GOLGA8S: variants seen among roughly 807,000 people sequenced by gnomAD.
GOLGA8S encodes golgin A8 family member S, also known as golgin subfamily A member 8S.
GOLGA8S carries 23 observed loss-of-function variants against 58.9 expected under a neutral mutation model. That is an observed-to-expected ratio of 0.39 (90% confidence interval 0.28 to 0.55). GOLGA8S has a LOEUF of 0.55. GOLGA8S is among the 20% of genes least tolerant of loss of function. The pLI, the probability that GOLGA8S is intolerant of heterozygous loss-of-function variation, is 0.63. For missense variants in GOLGA8S, 266 were observed against 514.2 expected, an observed-to-expected ratio of 0.52 and a Z score of 4.67; for synonymous variants, 84 against 195.7, an observed-to-expected ratio of 0.43 and a Z score of 4.76.
chr15:23,359,562 CGT>C (rs560966226), intron 8 of GOLGA8S, among the ~76,000 whole-genome samples: 5 of 138,290 alleles, frequency 3.6e-5, no homozygotes, highest in Non-Finnish European at 6.3e-5. Flanking sequence ...AGAGAGGAAA[CGT>C]GTGTGTGTGT....
downstream of GOLGA8S, among the ~76,000 whole-genome samples, chr15:23,368,245 G>A (rs1384591810): frequency 6.6e-6 from 1 of 151,896 alleles, no homozygotes; most frequent in East Asian, 1.9e-4. Flanking sequence ...AATACTGAAA[G>A]ATTTTTCCCT....
In GOLGA8S at chr15:23,362,695, A is replaced by C. The variant is rs641872; in HGVS notation, c.1180-470A>C. 7.0e-5 allele frequency among the ~76,000 whole-genome samples: 10 copies of C among 142,370 alleles called. 1 individual carries two copies. Among genetic ancestry groups the C allele is most frequent in the African/African-American group, 5.3e-5 (2 of 37,398 alleles). 93.4% of individuals were successfully genotyped at this position (142,370 alleles called of 152,430 possible). On this transcript the variant is annotated intron_variant, in intron 13 of 18. Coordinates refer to ENST00000562295, the Ensembl canonical transcript of GOLGA8S. ...AGGAGGCATGGGGTTCTAGGAAAGC[A>C]AGGCAGTCACTTAGGCCTGAAGTAA...
chr15:23,365,504 C>T (rs772467185), downstream of GOLGA8S: 3 of 357,962 alleles, frequency 8.4e-6, no homozygotes, highest in Non-Finnish European at 1.6e-5. Context: ...AATGTTATTG[C>T]AGCATGTATA....
intron 15 of GOLGA8S, among the ~76,000 whole-genome samples, 158 bp from the exon 16 acceptor site, chr15:23,364,185 T>C (rs578147733): frequency 3.3e-4 from 48 of 144,276 alleles, no homozygotes; most frequent in African/African-American, 1.2e-3. Context: ...CCCCAGGGCC[T>C]GGGGGCGAGT....
At chr15:23,364,194 G>A (rs1482318481) in intron 15 of GOLGA8S, 149 bp from the exon 16 acceptor site, 2 of 1,460,964 alleles carry the variant, frequency 1.4e-6, no homozygotes, top group African/African-American at 1.4e-5. Context: ...CTGGGGGCGA[G>A]TCTGTGAGTG....
rs569675478 is a variant in GOLGA8S, at chr15:23,359,947, A to G, written c.592-285A>G. Among the ~76,000 whole-genome samples, 4 of 149,446 alleles carry G rather than the reference A, an allele frequency of 2.7e-5. No individual in the cohort carries two copies. The East Asian group carries it at 7.7e-4, about 29-fold the overall frequency. On this transcript the variant is annotated intron_variant, in intron 8 of 18. Transcript: ENST00000562295. Reference sequence around the variant, plus strand: ...GATTAAATGGGATTGCTAGCATGGTATCTGGTGAAGCACTCCATAAAAGTT... The same window carrying G: ...GATTAAATGGGATTGCTAGCATGGTGTCTGGTGAAGCACTCCATAAAAGTT...
intron 1 of GOLGA8S, among the ~76,000 whole-genome samples, chr15:23,356,162 C>T (rs1320835031): frequency 6.9e-6 from 1 of 143,914 alleles, no homozygotes; most frequent in African/African-American, 2.5e-5. Flanking sequence ...AGAAAGGCTG[C>T]CTTCTGCCAT....
intron 8 of GOLGA8S, 146 bp downstream of exon 8, chr15:23,359,355 G>T: frequency 1.5e-6 from 1 of 662,174 alleles, no homozygotes; most frequent in East Asian, 2.7e-5. Flanking sequence ...GTTGTTAGCG[G>T]CAGCTTGGGA....
downstream of GOLGA8S, chr15:23,365,912 A>G (rs1401540105): frequency 1.3e-5 from 2 of 152,050 alleles, no homozygotes; most frequent in Non-Finnish European, 2.9e-5. Flanking sequence ...CTGCATCATG[A>G]GCTGCAGCAG....
At chr15:23,366,289 A>C (rs1025197936), downstream of GOLGA8S, 13 of 150,746 alleles carry the variant, frequency 8.6e-5, no homozygotes, top group Admixed American at 4.6e-4. Flanking sequence ...GATTGATTTT[A>C]CCATCTAGAC....
intron 15 of GOLGA8S, among the ~76,000 whole-genome samples, 186 bp from the exon 16 acceptor site, chr15:23,364,157 C>A (rs1275745420): frequency 7.2e-6 from 1 of 138,626 alleles, no homozygotes; most frequent in African/African-American, 2.5e-5. Context: ...GAGCCAGAGG[C>A]AGCCAGAGGC....
rs763519643 is a variant in GOLGA8S at position 23,361,409 on chromosome 15, G to T, written c.1063G>T (p.Glu355Ter). Reference sequence around the variant, plus strand: ...GCAGGAGAGGCTTCCAGAGCAGGAGGAGAGGCTTCAGCAGCTGGCCGAGCC... The same window carrying T: ...GCAGGAGAGGCTTCCAGAGCAGGAGTAGAGGCTTCAGCAGCTGGCCGAGCC... Residue 355 changes from glutamate to a stop codon, truncating the protein, a stop_gained, in exon 12 of 19, where the codon GAG (glutamate) becomes TAG (stop). Transcript: ENST00000562295. LOFTEE classifies it high-confidence loss of function. 2.1e-6 allele frequency: 2 copies of T among 958,160 alleles called. No homozygotes were observed. Among genetic ancestry groups the T allele is most frequent in the Non-Finnish European group, 3.4e-6 (2 of 594,096 alleles). 59.4% of individuals were successfully genotyped at this position (958,160 alleles called of 1,614,324 possible).
intron 8 of GOLGA8S, among the ~76,000 whole-genome samples, chr15:23,359,492 T>C (rs1347819502): frequency 6.9e-6 from 1 of 145,016 alleles, no homozygotes; most frequent in Non-Finnish European, 1.5e-5. Context: ...TCAGTGGGTA[T>C]TGGGTACTTG....
At chr15:23,367,747 C>T (rs2069944657), downstream of GOLGA8S, among the ~76,000 whole-genome samples, 1 of 151,776 alleles carries the variant, frequency 6.6e-6, no homozygotes, top group South Asian at 2.1e-4. Flanking sequence ...TAGAAGGCAA[C>T]ATTGGAATGT....
rs565196927 is a variant in GOLGA8S, at chr15:23,359,499, C to T, written c.591+290C>T. On this transcript the variant is annotated intron_variant, in intron 8 of 18. Transcript: ENST00000562295. Reference sequence around the variant, plus strand: ...CCAAGTCCTCAGTGGGTATTGGGTACTTGTACTGTGAAGGTACAGAAGAGT... The same window carrying T: ...CCAAGTCCTCAGTGGGTATTGGGTATTTGTACTGTGAAGGTACAGAAGAGT... 3.6e-3 allele frequency among the ~76,000 whole-genome samples: 521 copies of T among 144,416 alleles called. 19 individuals are homozygous for T. Among genetic ancestry groups the T allele is most frequent in the African/African-American group, 0.013 (495 of 38,056 alleles). The allele number at this position is 144,416 out of a possible 152,430, so 94.7% of individuals were successfully genotyped here. A position where few individuals can be genotyped will look rare whatever the true frequency, so the allele number is the denominator to read the frequency against.
intron 8 of GOLGA8S, among the ~76,000 whole-genome samples, chr15:23,359,586 G>C (rs958033182): frequency 2.8e-5 from 4 of 143,234 alleles, no homozygotes; most frequent in Non-Finnish European, 4.6e-5. Context: ...TACATATTAT[G>C]ATAATATACA....
At chr15:23,358,161 T>C (rs1272473199) in intron 4 of GOLGA8S, among the ~76,000 whole-genome samples, 1 of 152,384 alleles carries the variant, frequency 6.6e-6, no homozygotes, top group Non-Finnish European at 1.5e-5. Context: ...ATTGAATGAA[T>C]GCACTTTTCT....
chr15:23,364,548 G>A lies in GOLGA8S; in HGVS notation c.1471G>A (p.Glu491Lys), dbSNP rs756850170. Residue 491 changes from glutamate (E) to lysine (K), a missense_variant, in exon 17 of 19, where the codon GAA (glutamate) becomes AAA (lysine). Physicochemically the swap from Glu to Lys is moderately conservative, Grantham distance 56. Coordinates refer to ENST00000562295, the Ensembl canonical transcript of GOLGA8S. Reference sequence around the variant, plus strand: ...CAGGAAAATCCATCACCTTTTATCAGAACCAGGGGGCCGTGCCAAAGATGC... The same window carrying A: ...CAGGAAAATCCATCACCTTTTATCAAAACCAGGGGGCCGTGCCAAAGATGC... 1.4e-5 allele frequency: 22 copies of A among 1,596,190 alleles called. No homozygotes were observed. The Admixed American group carries it at 3.5e-4, about 26-fold the overall frequency.
chr15:23,361,173 T>G, intron 11 of GOLGA8S, 48 bp from the exon 12 acceptor site: 1 of 1,143,120 alleles, frequency 8.7e-7, no homozygotes, highest in East Asian at 2.3e-5. Context: ...TCTTTTCTTT[T>G]TTTTTTTTTG....
Sources: allele counts gnomAD v4.1 joint callset (sites outside exome capture counted in the v4.1 genomes callset), GRCh38; gene constraint gnomAD v4.1.1; transcripts MANE v1.5; gene names NCBI Gene and HGNC (gene_info 2026-07-23, HGNC 2026-07-21).